ETS1: variants seen among roughly 807,000 people sequenced by gnomAD.
ETS1 encodes the protein ETS proto-oncogene 1, transcription factor, also known as protein C-ets-1.
A neutral mutation model predicts 58.6 loss-of-function variants in ETS1; 15 were observed. The observed-to-expected ratio is 0.26, with a 90% CI of 0.17 to 0.39. The LOEUF is 0.39. Among genes scored for constraint, ETS1 ranks in the 10% least tolerant of loss-of-function variants. ETS1 has a pLI of 1.00. For synonymous variants in ETS1, 214 were observed against 218.2 expected (o/e 0.98, Z 0.17); for missense variants, 417 against 610.5 (o/e 0.68, Z 3.34).
At chr11:128,530,904 A>G (rs1863887029) in intron 3 of ETS1, among the ~76,000 whole-genome samples, 1 of 152,264 alleles carries the variant, frequency 6.6e-6, no homozygotes, top group Non-Finnish European at 1.5e-5. Context: ...AAGGTCCAGC[A>G]TCTACATATC....
At chr11:128,562,762 G>A (rs1488850734) in intron 2 of ETS1, among the ~76,000 whole-genome samples, 2 of 152,284 alleles carry the variant, frequency 1.3e-5, no homozygotes, top group East Asian at 3.9e-4. Context: ...AGCACTCATT[G>A]GTTTGTGACC....
intron 3 of ETS1, among the ~76,000 whole-genome samples, chr11:128,545,320 G>A (rs1224822508): frequency 6.6e-6 from 1 of 152,184 alleles, no homozygotes; most frequent in Non-Finnish European, 1.5e-5. Context: ...TTATCCCGGA[G>A]GTGGGCAATT....
chr11:128,555,994 C>T (rs115308851), intron 3 of ETS1, among the ~76,000 whole-genome samples: 2,842 of 152,310 alleles, frequency 0.019, 87 homozygotes, highest in African/African-American at 0.064. Context: ...TGCAAAACTT[C>T]TAGGCTCTCT....
intron 2 of ETS1, among the ~76,000 whole-genome samples, chr11:128,563,992 G>A (rs902785875): frequency 2.6e-5 from 4 of 152,134 alleles, no homozygotes; most frequent in East Asian, 3.8e-4. Flanking sequence ...CTCAGAAGAC[G>A]CTTTAGCACC....
At chr11:128,524,218 G>A (rs1369272454) in intron 3 of ETS1, among the ~76,000 whole-genome samples, 1 of 152,164 alleles carries the variant, frequency 6.6e-6, no homozygotes, top group Admixed American at 6.5e-5. Flanking sequence ...TGATTAAACT[G>A]TAAACACTTT....
chr11:128,498,716 C>T (rs1565382618), intron 3 of ETS1, among the ~76,000 whole-genome samples: 1 of 152,158 alleles, frequency 6.6e-6, no homozygotes, highest in Non-Finnish European at 1.5e-5. Flanking sequence ...ATTAACGACA[C>T]TCAAGCAATT....
At chr11:128,502,806 A>G (rs1863125081) in intron 3 of ETS1, among the ~76,000 whole-genome samples, 2 of 152,216 alleles carry the variant, frequency 1.3e-5, no homozygotes, top group Non-Finnish European at 2.9e-5. Context: ...ACAGACACCA[A>G]ACTGAACATG....
At chr11:128,502,004 G>A (rs1446511124) in intron 3 of ETS1, among the ~76,000 whole-genome samples, 1 of 152,144 alleles carries the variant, frequency 6.6e-6, no homozygotes, top group Admixed American at 6.5e-5. Flanking sequence ...AGGGGGTGGG[G>A]TGGAGAGAGA....
In ETS1 at chr11:128,519,558, C is replaced by A. The variant is rs374533613; in HGVS notation, c.215-28982G>T. Reference sequence around the variant, plus strand: ...TGGTCTGATGGGCAAGGCAAATCCGCACTTAGCCAATGTCTTGTCCTTCCA... The same window carrying A: ...TGGTCTGATGGGCAAGGCAAATCCGAACTTAGCCAATGTCTTGTCCTTCCA... On this transcript the variant is annotated intron_variant, in intron 3 of 9. Transcript: ENST00000392668. Among the ~76,000 whole-genome samples, 78 of 152,308 alleles carry A rather than the reference C, an allele frequency of 5.1e-4. No homozygotes were observed. The East Asian group carries it at 0.013, about 24-fold the overall frequency.
At chr11:128,582,398 G>A (rs1319481504) in intron 1 of ETS1, among the ~76,000 whole-genome samples, 2 of 152,070 alleles carry the variant, frequency 1.3e-5, no homozygotes, top group African/African-American at 2.4e-5. Flanking sequence ...AGTAAAAATG[G>A]TCAATAAATA....
chr11:128,480,529 T>C, intron 7 of ETS1, 78 bp from the exon 8 acceptor site: 2 of 966,816 alleles, frequency 2.1e-6, no homozygotes, highest in Admixed American at 2.1e-5. Flanking sequence ...AAAACCCTCT[T>C]ATGGAGGACA....
At position 128,547,916 on chromosome 11, in the gene ETS1, A is replaced by G. The variant is rs1231993572; in HGVS notation, c.214+8375T>C. Among the ~76,000 whole-genome samples the G allele has an allele frequency of 2.6e-5, 4 of 152,224 alleles. No individual in the cohort carries two copies. In the East Asian group the frequency reaches 7.7e-4, roughly 29 times the overall value. Reference sequence around the variant, plus strand: ...CTTTGGGGACAGCCAAGGTTGCCCCATGCTTCAGTGGGAAGGTGATTTTTC... The same window carrying G: ...CTTTGGGGACAGCCAAGGTTGCCCCGTGCTTCAGTGGGAAGGTGATTTTTC... On this transcript the variant is annotated intron_variant, in intron 3 of 9. Transcript: ENST00000392668.
At chr11:128,544,786 C>G (rs1026379860) in intron 3 of ETS1, among the ~76,000 whole-genome samples, 1 of 152,256 alleles carries the variant, frequency 6.6e-6, no homozygotes, top group African/African-American at 2.4e-5. Flanking sequence ...AATGGCTACA[C>G]TGCACTTTTA....
intron 3 of ETS1, among the ~76,000 whole-genome samples, chr11:128,533,693 C>G (rs771648643): frequency 6.6e-6 from 1 of 152,208 alleles, no homozygotes; most frequent in South Asian, 2.1e-4. Context: ...TTTCCAAGGC[C>G]TTGCTAGATA....
At chr11:128,568,113 A>C (rs1864542438) in intron 2 of ETS1, among the ~76,000 whole-genome samples, 1 of 152,232 alleles carries the variant, frequency 6.6e-6, no homozygotes, top group South Asian at 2.1e-4. Flanking sequence ...ATGTTGTTCT[A>C]TCTCCCAAAG....
At chr11:128,477,553 G>C (rs894400384) in intron 8 of ETS1, among the ~76,000 whole-genome samples, 5 of 152,080 alleles carry the variant, frequency 3.3e-5, no homozygotes, top group African/African-American at 1.2e-4. Flanking sequence ...CACCATGAGG[G>C]TGTGAGATCA....
intron 8 of ETS1, among the ~76,000 whole-genome samples, chr11:128,471,994 C>T (rs563928468): frequency 2.0e-5 from 3 of 152,214 alleles, no homozygotes; most frequent in South Asian, 2.1e-4. Flanking sequence ...ATTTGCACAC[C>T]GAATTTTGTA....
At chr11:128,531,596 C>T (rs1376157530) in intron 3 of ETS1, among the ~76,000 whole-genome samples, 4 of 152,164 alleles carry the variant, frequency 2.6e-5, no homozygotes, top group Non-Finnish European at 5.9e-5. Context: ...CACCATCCCT[C>T]TTGGATGAAA....
At chr11:128,515,654 A>G (rs1163983627) in intron 3 of ETS1, among the ~76,000 whole-genome samples, 1 of 152,126 alleles carries the variant, frequency 6.6e-6, no homozygotes, top group African/African-American at 2.4e-5. Context: ...TTCTGATGCA[A>G]TTATTAATAG....
Sources: allele counts gnomAD v4.1 joint callset (sites outside exome capture counted in the v4.1 genomes callset), GRCh38; gene constraint gnomAD v4.1.1; transcripts MANE v1.5; gene names NCBI Gene and HGNC (gene_info 2026-07-23, HGNC 2026-07-21).